Variants in GATA4 observed in about 807,000 individuals in gnomAD.
GATA4 encodes GATA binding protein 4.
In GATA4, 7 loss-of-function variants were observed where a neutral mutation model predicts 37.9. The observed-to-expected ratio is 0.18, with a 90% confidence interval of 0.11 to 0.35. The LOEUF is 0.35. GATA4 is among the 10% of genes least tolerant of loss of function. The probability of loss-of-function intolerance (pLI) is 1.00; values close to 1 mark genes in which losing one functional copy is unlikely to be tolerated. For synonymous variants in GATA4, 372 were observed against 292.6 expected, an observed-to-expected ratio of 1.27 and a Z score of -2.77; for missense variants, 647 against 653.0, an observed-to-expected ratio of 0.99 and a Z score of 0.10.
chr8:11,681,667 C>T (rs1798978382), intron 1 of GATA4, among the ~76,000 whole-genome samples: 1 of 151,858 alleles, frequency 6.6e-6, no homozygotes, highest in Non-Finnish European at 1.5e-5. Context: ...TTTTTTCATC[C>T]CCTTTCTCTC....
upstream of GATA4, among the ~76,000 whole-genome samples, chr8:11,690,045 T>G (rs1303077776): frequency 6.6e-6 from 1 of 152,232 alleles, no homozygotes; most frequent in Non-Finnish European, 1.5e-5. Context: ...ACCAGAATCC[T>G]TGAAGTCCCT....
chr8:11,693,002 C>T (rs1166772853), intron 1 of GATA4: 19 of 985,270 alleles, frequency 1.9e-5, no homozygotes, highest in Non-Finnish European at 2.2e-5. Flanking sequence ...GCTGCACCCC[C>T]GGCCGCGCAC....
intron 1 of GATA4, chr8:11,681,383 T>C (rs747308980): frequency 8.0e-5 from 79 of 985,052 alleles, no homozygotes; most frequent in African/African-American, 1.1e-4. Flanking sequence ...TAAAAACTCC[T>C]GGCAGACCCT....
intron 1 of GATA4, among the ~76,000 whole-genome samples, chr8:11,706,312 C>T (rs1325109854): frequency 6.6e-6 from 1 of 152,120 alleles, no homozygotes; most frequent in Non-Finnish European, 1.5e-5. Flanking sequence ...CAGATTTTTA[C>T]AGTAATAAAG....
At chr8:11,734,232 A>G (rs969920703) in intron 2 of GATA4, among the ~76,000 whole-genome samples, 4 of 152,242 alleles carry the variant, frequency 2.6e-5, no homozygotes, top group African/African-American at 9.6e-5. Context: ...AAGCATTGCT[A>G]TTACAGCAAA....
upstream of GATA4, chr8:11,700,447 A>G (rs1799635562): frequency 2.6e-5 from 4 of 152,274 alleles, no homozygotes; most frequent in Admixed American, 2.6e-4. Flanking sequence ...GACCATAGCA[A>G]GTGAAGGAAG....
In GATA4 at chr8:11,714,434, G is replaced by A. The variant is rs539445392; in HGVS notation, c.616+5506G>A. 3.9e-5 allele frequency among the ~76,000 whole-genome samples: 6 copies of A among 152,300 alleles called. No homozygotes were observed. In the East Asian group the frequency reaches 5.8e-4, roughly 15 times the overall value. Reference sequence around the variant, plus strand: ...CTTTTGGGACCTGCTTATCAAGTACGCTAGTGGCTTTCAAAGCCGGTTCAT... The same window carrying A: ...CTTTTGGGACCTGCTTATCAAGTACACTAGTGGCTTTCAAAGCCGGTTCAT... On this transcript the variant is annotated intron_variant, in intron 2 of 6. Coordinates refer to ENST00000532059, the MANE Select transcript of GATA4 (RefSeq NM_001308093.3).
At chr8:11,734,744 C>T (rs1020018912) in intron 2 of GATA4, among the ~76,000 whole-genome samples, 2 of 152,200 alleles carry the variant, frequency 1.3e-5, no homozygotes, top group African/African-American at 4.8e-5. Context: ...CCTGCCTCGG[C>T]CTCCGAAAGG....
intron 6 of GATA4, among the ~76,000 whole-genome samples, chr8:11,758,077 G>C (rs1802694339): frequency 6.6e-6 from 1 of 152,352 alleles, no homozygotes; most frequent in South Asian, 2.1e-4. Context: ...AGCCCTGGTT[G>C]TATACTGTGC....
intron 2 of GATA4, among the ~76,000 whole-genome samples, chr8:11,716,286 A>T (rs982943769): frequency 6.6e-6 from 1 of 152,246 alleles, no homozygotes; most frequent in East Asian, 1.9e-4. Flanking sequence ...GATATTCATG[A>T]ATCAACCTGA....
chr8:11,695,360 C>T lies in GATA4; in HGVS notation c.-729+2700C>T, dbSNP rs186646290. ...GGCAGAGGTTGCGGTGAGCCAAGAT[C>T]GCGCCTTTGCACTCCAGCCTGGGCA... is the stretch of plus-strand genomic sequence containing the variant. On this transcript the variant is annotated intron_variant, in intron 1 of 2. Coordinates refer to the GATA4 transcript ENST00000526974. Among the ~76,000 whole-genome samples the T allele has an allele frequency of 1.5e-3, 227 of 152,074 alleles. 1 individual carries two copies. The highest frequency in any genetic ancestry group is 3.0e-3 in the Admixed American group (46 of 15,282).
chr8:11,680,681 C>T, intron 1 of GATA4: 1 of 985,326 alleles, frequency 1.0e-6, no homozygotes, highest in Non-Finnish European at 1.2e-6. Context: ...GTCAGAGACC[C>T]CCCCCTTGGG....
chr8:11,758,145 G>A (rs968886612), intron 6 of GATA4, 148 bp from the exon 7 acceptor site: 12 of 756,670 alleles, frequency 1.6e-5, no homozygotes, highest in Non-Finnish European at 2.8e-5. Flanking sequence ...GGGATCAGGA[G>A]AAACAGAGAG....
intron 2 of GATA4, among the ~76,000 whole-genome samples, chr8:11,731,379 G>A (rs1432516886): frequency 2.6e-5 from 4 of 152,250 alleles, no homozygotes; most frequent in Non-Finnish European, 1.5e-5. Flanking sequence ...TGGTCTGTGT[G>A]CTCAGTGGAG....
At chr8:11,719,281 A>G (rs2130133291) in intron 2 of GATA4, among the ~76,000 whole-genome samples, 1 of 152,144 alleles carries the variant, frequency 6.6e-6, no homozygotes, top group South Asian at 2.1e-4. Context: ...AGGTAAAGAC[A>G]GGCAATAATA....
intron 1 of GATA4, among the ~76,000 whole-genome samples, chr8:11,680,044 C>A (rs1798904672): frequency 6.6e-6 from 1 of 152,218 alleles, no homozygotes; most frequent in South Asian, 2.1e-4. Flanking sequence ...GGGTCTCCTG[C>A]CAGGGGGCTT....
At chr8:11,753,661 G>T (rs1400179333) in intron 4 of GATA4, among the ~76,000 whole-genome samples, 1 of 152,084 alleles carries the variant, frequency 6.6e-6, no homozygotes, top group Non-Finnish European at 1.5e-5. Flanking sequence ...GTCACAGAGA[G>T]ATGTGCAGAT....
At chr8:11,680,406 C>T (rs903871383) in intron 1 of GATA4, 14 of 899,950 alleles carry the variant, frequency 1.6e-5, no homozygotes, top group African/African-American at 1.4e-4. Flanking sequence ...TTCCCGCCCT[C>T]GGCCCACGAG....
chr8:11,742,645 C>T (rs891231863), intron 2 of GATA4, among the ~76,000 whole-genome samples: 6 of 152,222 alleles, frequency 3.9e-5, no homozygotes, highest in African/African-American at 9.6e-5. Context: ...GCCGGAGCGC[C>T]GCTGGAGCTG....
Sources: allele counts gnomAD v4.1 joint callset (sites outside exome capture counted in the v4.1 genomes callset), GRCh38; gene constraint gnomAD v4.1.1; transcripts MANE v1.5; gene names NCBI Gene and HGNC (gene_info 2026-07-23, HGNC 2026-07-21).